Variants in EFCAB6 observed in about 807,000 individuals in gnomAD.
EFCAB6 encodes the protein EF-hand calcium binding domain 6.
Under a neutral mutation model 169.8 loss-of-function variants are expected in EFCAB6, and 156 were observed. The observed-to-expected ratio is 0.92, with a 90% CI of 0.81 to 1.05. The LOEUF (loss-of-function observed/expected upper bound fraction) is 1.05, where lower values mean the gene tolerates loss of function less well. EFCAB6 is among the 50% of genes least tolerant of loss of function. The probability of loss-of-function intolerance (pLI) is 0.00; values close to 1 mark genes in which losing one functional copy is unlikely to be tolerated. For synonymous variants in EFCAB6, 698 were observed against 676.4 expected (o/e 1.03, Z -0.50); for missense variants, 1,800 against 1,829.1 (o/e 0.98, Z 0.29).
intron 2 of EFCAB6, among the ~76,000 whole-genome samples, chr22:43,790,979 T>G (rs1376473864): frequency 6.6e-6 from 1 of 152,152 alleles, no homozygotes; most frequent in Non-Finnish European, 1.5e-5. Flanking sequence ...AGAACAGGTT[T>G]ACAGAAGATC....
At chr22:43,577,208 C>T (rs1178764613) in intron 25 of EFCAB6, among the ~76,000 whole-genome samples, 2 of 152,158 alleles carry the variant, frequency 1.3e-5, no homozygotes, top group African/African-American at 2.4e-5. Flanking sequence ...AAAGAAAGCA[C>T]ATTTTTTTCC....
chr22:43,547,513 G>A (rs2048128514), intron 27 of EFCAB6, among the ~76,000 whole-genome samples: 1 of 152,026 alleles, frequency 6.6e-6, no homozygotes, highest in Non-Finnish European at 1.5e-5. Context: ...TCCGAGGCAG[G>A]TGAATCACTT....
chr22:43,805,900 C>T (rs1322880961), intron 2 of EFCAB6, among the ~76,000 whole-genome samples: 1 of 152,182 alleles, frequency 6.6e-6, no homozygotes, highest in Non-Finnish European at 1.5e-5. Context: ...AGCAGTGGCT[C>T]ATGCCTGTAA....
intron 5 of EFCAB6, among the ~76,000 whole-genome samples, chr22:43,763,884 A>C (rs781526736): frequency 7.9e-5 from 12 of 151,826 alleles, no homozygotes; most frequent in Non-Finnish European, 1.3e-4. Flanking sequence ...TGATCCTCCC[A>C]CCTTAACTTC....
At chr22:43,545,549 T>G (rs147096163) in intron 27 of EFCAB6, among the ~76,000 whole-genome samples, 16 of 152,336 alleles carry the variant, frequency 1.1e-4, no homozygotes, top group African/African-American at 3.8e-4. Flanking sequence ...TTGCAAAAGC[T>G]AATCCTGGGA....
At chr22:43,665,387 AC>A (rs1220681361) in intron 17 of EFCAB6, among the ~76,000 whole-genome samples, 2 of 152,184 alleles carry the variant, frequency 1.3e-5, no homozygotes, top group African/African-American at 4.8e-5. Context: ...TCTCTGCCTT[AC>A]CAACATCTAC....
intron 26 of EFCAB6, among the ~76,000 whole-genome samples, chr22:43,574,537 G>T (rs1184822966): frequency 6.6e-6 from 1 of 151,858 alleles, no homozygotes; most frequent in East Asian, 1.9e-4. Context: ...GGTTGTTCTT[G>T]TCATCATCCC....
intron 15 of EFCAB6, among the ~76,000 whole-genome samples, chr22:43,669,574 G>C (rs1303947395): frequency 6.6e-6 from 1 of 152,200 alleles, no homozygotes; most frequent in Non-Finnish European, 1.5e-5. Context: ...GGAGGAGGGA[G>C]TGATGATGAA....
intron 9 of EFCAB6, among the ~76,000 whole-genome samples, chr22:43,714,451 A>T (rs1644533899): frequency 6.6e-6 from 1 of 152,136 alleles, no homozygotes. Context: ...TCTGTCCATC[A>T]CACTGTATTC....
At chr22:43,710,851 G>A (rs1384075157) in intron 10 of EFCAB6, among the ~76,000 whole-genome samples, 2 of 152,184 alleles carry the variant, frequency 1.3e-5, no homozygotes, top group African/African-American at 4.8e-5. Flanking sequence ...AGGGTAGGGA[G>A]TCAGGGGAGG....
Position 43,678,386 on chromosome 22 carries a change from T to C in EFCAB6, c.1252-223A>G, listed in dbSNP as rs16990901. Among the ~76,000 whole-genome samples the C allele has an allele frequency of 7.9e-3, 1,157 of 146,502 alleles. 18 individuals are homozygous for C. Among genetic ancestry groups the C allele is most frequent in the African/African-American group, 0.027 (1,114 of 40,626 alleles). On this transcript the variant is annotated intron_variant, in intron 12 of 31. Transcript: ENST00000262726. ...GTGTGTAGGCTGAATGCTAGAACTT[T>C]CCAGGTGCAGTTCCTACAATGTTCT...
chr22:43,718,259 A>G (rs985539768), intron 8 of EFCAB6, among the ~76,000 whole-genome samples: 5 of 152,248 alleles, frequency 3.3e-5, no homozygotes, highest in Admixed American at 3.3e-4. Flanking sequence ...AATCTAAAAT[A>G]TAGCCATTTT....
chr22:43,586,737 G>T (rs62226983), intron 24 of EFCAB6, among the ~76,000 whole-genome samples: 30,354 of 151,992 alleles, frequency 0.2, 3,206 homozygotes, highest in Middle Eastern at 0.28. Context: ...GGTTCTCAAG[G>T]TGGGGTGCAA....
rs181936266 is a variant in EFCAB6, at chr22:43,550,163, G to A, written c.3648+4706C>T. Among the ~76,000 whole-genome samples, 793 of 152,252 alleles carry A rather than the reference G, an allele frequency of 5.2e-3. 3 individuals are homozygous for A. Among genetic ancestry groups the A allele is most frequent in the Middle Eastern group, 0.034 (10 of 292 alleles). On this transcript the variant is annotated intron_variant, in intron 27 of 31. Coordinates refer to ENST00000262726, the MANE Select transcript of EFCAB6 (RefSeq NM_022785.4). The stretch of plus-strand genomic sequence containing the variant: ...GGCTGAAGTTCAGCCTGGGTGGAGC[G>A]TAGGGCACCTGGAGGAGCCTGGGGG...
intron 17 of EFCAB6, among the ~76,000 whole-genome samples, chr22:43,663,547 G>T (rs185738302): frequency 1.7e-4 from 26 of 152,328 alleles, no homozygotes; most frequent in African/African-American, 6.0e-4. Flanking sequence ...TTCAAAGATG[G>T]TCACAAGAAG....
chr22:43,542,037 C>G (rs1490768539), intron 27 of EFCAB6, among the ~76,000 whole-genome samples: 2 of 152,262 alleles, frequency 1.3e-5, no homozygotes, highest in Non-Finnish European at 2.9e-5. Flanking sequence ...TCCTGAGGCC[C>G]TCTCATGGAG....
chr22:43,540,803 C>T lies in EFCAB6; in HGVS notation c.3649-446G>A, dbSNP rs1031392267. ...CAAACAGCTCACCAGGTGACGCAGC[C>T]CTCAGCCCCTGCACTTGCATCCACG... On this transcript the variant is annotated intron_variant, in intron 27 of 31. Coordinates refer to ENST00000262726, the MANE Select transcript of EFCAB6 (RefSeq NM_022785.4). 5.9e-5 allele frequency among the ~76,000 whole-genome samples: 9 copies of T among 152,178 alleles called. No homozygotes were observed. In the East Asian group the frequency reaches 1.7e-3, roughly 29 times the overall value.
intron 8 of EFCAB6, among the ~76,000 whole-genome samples, chr22:43,726,051 C>T (rs966235288): frequency 1.3e-5 from 2 of 152,002 alleles, no homozygotes; most frequent in Non-Finnish European, 2.9e-5. Flanking sequence ...CAGGAATATA[C>T]AGAATGACTG....
intron 16 of EFCAB6, among the ~76,000 whole-genome samples, chr22:43,668,570 T>C (rs1370976962): frequency 6.6e-6 from 1 of 152,172 alleles, no homozygotes; most frequent in African/African-American, 2.4e-5. Context: ...TTACAGATTG[T>C]CCCTGGGAGT....
Sources: gnomAD v4.1 joint callset for allele counts (sites outside exome capture counted in the v4.1 genomes callset) on GRCh38, gnomAD v4.1.1 for gene constraint, MANE v1.5 for transcripts, NCBI Gene and HGNC (gene_info 2026-07-23, HGNC 2026-07-21) for gene names.